Variants in ARHGEF26 observed in about 807,000 individuals in gnomAD.
The protein encoded by ARHGEF26 is Rho guanine nucleotide exchange factor 26.
A neutral mutation model predicts 89.4 loss-of-function variants in ARHGEF26; 59 were observed. That is an observed-to-expected ratio of 0.66 (90% confidence interval 0.54 to 0.82). The LOEUF is 0.82. Among genes scored for constraint, ARHGEF26 ranks in the 40% least tolerant of loss-of-function variants. ARHGEF26 has a pLI of 0.00. For synonymous variants in ARHGEF26, 500 were observed against 428.4 expected, an observed-to-expected ratio of 1.17 and a Z score of -2.06; for missense variants, 1,234 against 1,085.6, an observed-to-expected ratio of 1.14 and a Z score of -1.92.
chr3:154,191,248 G>A (rs1388765158), intron 7 of ARHGEF26, 41 bp from the exon 8 acceptor site: 3 of 1,564,710 alleles, frequency 1.9e-6, no homozygotes, highest in Non-Finnish European at 2.6e-6. Flanking sequence ...AATTTGAGGA[G>A]GAAATATTTT....
intron 10 of ARHGEF26, among the ~76,000 whole-genome samples, chr3:154,223,387 A>G (rs1415285622): frequency 6.6e-6 from 1 of 152,260 alleles, no homozygotes; most frequent in African/African-American, 2.4e-5. Flanking sequence ...GAGATGTTCA[A>G]AAACATATAC....
chr3:154,130,619 T>C (rs537812325), intron 4 of ARHGEF26, among the ~76,000 whole-genome samples: 36 of 152,294 alleles, frequency 2.4e-4, no homozygotes, highest in African/African-American at 7.7e-4. Flanking sequence ...AACTGTATAT[T>C]TTTTTCCTCC....
At chr3:154,125,987 G>A (rs1226606373) in intron 3 of ARHGEF26, among the ~76,000 whole-genome samples, 1 of 152,112 alleles carries the variant, frequency 6.6e-6, no homozygotes, top group East Asian at 1.9e-4. Flanking sequence ...GGACCTCACT[G>A]AGCCACCTCA....
intron 6 of ARHGEF26, among the ~76,000 whole-genome samples, chr3:154,179,142 T>G (rs1713024705): frequency 6.6e-6 from 1 of 152,214 alleles, no homozygotes; most frequent in East Asian, 1.9e-4. Context: ...TATGGACCCC[T>G]TTGAAAATCA....
At chr3:154,236,187 A>G (rs1559918571) in intron 11 of ARHGEF26, among the ~76,000 whole-genome samples, 3 of 152,352 alleles carry the variant, frequency 2.0e-5, no homozygotes, top group African/African-American at 7.2e-5. Context: ...ATATGTATTT[A>G]CCATCATATC....
chr3:154,136,782 G>C (rs568472384), intron 4 of ARHGEF26, among the ~76,000 whole-genome samples: 2 of 152,180 alleles, frequency 1.3e-5, no homozygotes, highest in South Asian at 4.1e-4. Context: ...AATTTCTGTA[G>C]TTTTATAATT....
chr3:154,251,257 ATTTTC>A lies in ARHGEF26; in HGVS notation c.2301-1853_2301-1849del, dbSNP rs141160963. Among the ~76,000 whole-genome samples, 957 of 152,234 alleles carry A rather than the reference ATTTTC, an allele frequency of 6.3e-3. 44 individuals are homozygous for A. In the East Asian group the frequency reaches 0.12, roughly 18 times the overall value. ...AAAAAATAGAAATAATTTTGGTAAT[ATTTTC>A]TTTTCAAGATTGTTGTAAAAATTAG... On this transcript the variant is annotated intron_variant, in intron 12 of 14. Coordinates refer to ENST00000465093, the MANE Select transcript of ARHGEF26 (RefSeq NM_015595.4).
At position 154,213,241 on chromosome 3, in the gene ARHGEF26, G is replaced by GTATATA. The variant is rs750841371; in HGVS notation, c.1846-4618_1846-4613dup. 7.7e-3 allele frequency among the ~76,000 whole-genome samples: 1,123 copies of GTATATA among 145,592 alleles called. 13 individuals are homozygous for GTATATA. The highest frequency in any genetic ancestry group is 0.025 in the African/African-American group (992 of 39,836). Reference sequence around the variant, plus strand: ...AGTGTGTGTGTGTGTGTGTGTGTGTGTATATATATATATATGCTTTTGTTC... The same window carrying GTATATA: ...AGTGTGTGTGTGTGTGTGTGTGTGTGTATATATATATATATATATATGCTTTTGTTC... On this transcript the variant is annotated intron_variant, in intron 9 of 14. Coordinates refer to ENST00000465093, the MANE Select transcript of ARHGEF26 (RefSeq NM_015595.4).
chr3:154,207,768 A>T (rs1206157716), intron 9 of ARHGEF26, among the ~76,000 whole-genome samples: 1 of 152,238 alleles, frequency 6.6e-6, no homozygotes, highest in Non-Finnish European at 1.5e-5. Flanking sequence ...AGGAATAGGA[A>T]TCGTTCTGTT....
At chr3:154,145,214 C>T (rs1719626085) in intron 4 of ARHGEF26, among the ~76,000 whole-genome samples, 1 of 152,192 alleles carries the variant, frequency 6.6e-6, no homozygotes. Flanking sequence ...AGCATACTCT[C>T]AAACTGCTGC....
chr3:154,212,309 TA>T (rs1409660387), intron 9 of ARHGEF26, among the ~76,000 whole-genome samples: 24 of 145,862 alleles, frequency 1.6e-4, no homozygotes, highest in African/African-American at 4.3e-4. Context: ...ACCACTGTAC[TA>T]CAACCTGGGC....
At chr3:154,211,395 G>A (rs976600993) in intron 9 of ARHGEF26, among the ~76,000 whole-genome samples, 2 of 150,984 alleles carry the variant, frequency 1.3e-5, no homozygotes, top group Non-Finnish European at 2.9e-5. Flanking sequence ...GCTGAGTTTG[G>A]TCTTTTTTTT....
At chr3:154,168,910 G>T (rs1559874390) in intron 6 of ARHGEF26, among the ~76,000 whole-genome samples, 1 of 36,342 alleles carries the variant, frequency 2.8e-5, no homozygotes, top group Admixed American at 2.3e-4. Context: ...TGTCCACTTA[G>T]ATCAGAACTA....
chr3:154,121,821 TA>T, intron 1 of ARHGEF26, 120 bp from the exon 2 acceptor site: 1 of 856,784 alleles, frequency 1.2e-6, no homozygotes, highest in Non-Finnish European at 1.7e-6. Flanking sequence ...AAAGGGCGGG[TA>T]AGTGCGGTGC....
intron 9 of ARHGEF26, among the ~76,000 whole-genome samples, chr3:154,211,492 C>T (rs367985130): frequency 1.3e-5 from 2 of 149,330 alleles, no homozygotes; most frequent in African/African-American, 5.0e-5. Context: ...CTCTCTGCAA[C>T]ATGCCGCTGC....
Position 154,191,289 on chromosome 3 carries a change from A to G in ARHGEF26, c.1641A>G (p.Leu547=), listed in dbSNP as rs1713938848. 1.0e-5 allele frequency: 16 copies of G among 1,608,006 alleles called. No individual in the cohort carries two copies. The highest frequency in any genetic ancestry group is 1.2e-5 in the Non-Finnish European group (14 of 1,177,494). Residue 547 remains leucine, a splice_region_variant and synonymous_variant, in exon 8 of 15, where the codon TTA becomes TTG. Coordinates refer to ENST00000465093, the MANE Select transcript of ARHGEF26 (RefSeq NM_015595.4). ...TTCTCTTTTCTTTGTTTTCCCTCAG[A>G]GCTACCAATCCATCCTTTAAGGAAG... ...VYQQRTLQKL[L]ATNPSFKEVL... is the part of the protein sequence containing the mutation.
intron 4 of ARHGEF26, among the ~76,000 whole-genome samples, chr3:154,144,203 A>G (rs1171484262): frequency 6.6e-6 from 1 of 152,238 alleles, no homozygotes; most frequent in African/African-American, 2.4e-5. Context: ...TTTAGAAGGC[A>G]GTGTGCTACA....
At position 154,256,414 on chromosome 3, in the gene ARHGEF26, G is replaced by A. The variant is rs2108311279; in HGVS notation, c.*941G>A. 3.9e-6 allele frequency: 3 copies of A among 764,090 alleles called. No homozygotes were observed. Among genetic ancestry groups the A allele is most frequent in the South Asian group, 1.2e-4 (2 of 16,540 alleles). 47.3% of individuals were successfully genotyped at this position (764,090 alleles called of 1,614,324 possible). ...CTTTTTGTATTTTTAGTAGAGACAG[G>A]GTTTCATCATGTTGGCCAGGATGGT... On this transcript the variant is annotated 3_prime_UTR_variant, in exon 15 of 15. Transcript: ENST00000465093.
chr3:154,241,628 C>G (rs150084482), intron 12 of ARHGEF26, among the ~76,000 whole-genome samples: 2 of 152,186 alleles, frequency 1.3e-5, no homozygotes, highest in Admixed American at 6.5e-5. Context: ...ATTGCAGCAA[C>G]GTCTCCAGTA....
Sources: gnomAD v4.1 joint callset for allele counts (sites outside exome capture counted in the v4.1 genomes callset) on GRCh38, gnomAD v4.1.1 for gene constraint, MANE v1.5 for transcripts, NCBI Gene and HGNC (gene_info 2026-07-23, HGNC 2026-07-21) for gene names.